Variants in S1PR2 observed in about 807,000 individuals in gnomAD.
S1PR2 encodes sphingosine 1-phosphate receptor 2.
S1PR2 carries 9 observed loss-of-function variants against 16.1 expected under a neutral mutation model. The observed-to-expected ratio is 0.56, with a 90% confidence interval of 0.34 to 0.98. The LOEUF (loss-of-function observed/expected upper bound fraction) is 0.98. S1PR2 is among the 50% of genes least tolerant of loss of function. S1PR2 has a pLI of 0.02. For missense variants in S1PR2, 361 were observed against 488.4 expected, an observed-to-expected ratio of 0.74 and a Z score of 2.46; for synonymous variants, 224 against 233.9, an observed-to-expected ratio of 0.96 and a Z score of 0.38.
rs908589678 is a variant in S1PR2 at position 10,223,648 on chromosome 19, G to A, written c.*196C>T. 3 of 574,816 alleles carry A rather than the reference G, an allele frequency of 5.2e-6. No individual in the cohort carries two copies. Among genetic ancestry groups the A allele is most frequent in the Non-Finnish European group, 9.1e-6 (3 of 329,030 alleles). 35.6% of individuals were successfully genotyped at this position (574,816 alleles called of 1,614,324 possible). A position where few individuals can be genotyped will look rare whatever the true frequency, so the allele number is the denominator to read the frequency against. On this transcript the variant is annotated 3_prime_UTR_variant, in exon 2 of 2. Coordinates refer to ENST00000646641, the MANE Select transcript of S1PR2 (RefSeq NM_004230.4). ...ACACTAGCCACTGGACTGGCCCTCA[G>A]GACCGCACTGCAACACTGCTATGTG...
At chr19:10,229,551 A>C (rs2145445600) in intron 1 of S1PR2, among the ~76,000 whole-genome samples, 1 of 152,214 alleles carries the variant, frequency 6.6e-6, no homozygotes, top group African/African-American at 2.4e-5. Flanking sequence ...AAGCCTAGGA[A>C]AGTGCTGGGA....
rs1448055290 is a variant in S1PR2 at position 10,221,910 on chromosome 19, C to T, written c.*1934G>A. On this transcript the variant is annotated 3_prime_UTR_variant, in exon 2 of 2. Transcript: ENST00000646641. ...TTCTGGGGGGTTAGGGGAGAGTGTCCCCAGGAAATGTCCCTAGCCACTGCC... is the reference window on the plus strand; with the variant it reads ...TTCTGGGGGGTTAGGGGAGAGTGTCTCCAGGAAATGTCCCTAGCCACTGCC... 6 of 152,426 alleles carry T rather than the reference C, an allele frequency of 3.9e-5. No individual in the cohort carries two copies. The allele number at this position is 152,426 out of a possible 1,614,324, so 9.4% of individuals were successfully genotyped here.
At position 10,224,604 on chromosome 19, in the gene S1PR2, G is replaced by T. The variant is rs776229108; in HGVS notation, c.302C>A (p.Thr101Lys). 2 of 1,613,862 alleles carry T rather than the reference G, an allele frequency of 1.2e-6. No individual in the cohort carries two copies. Among genetic ancestry groups the T allele is most frequent in the Non-Finnish European group, 1.7e-6 (2 of 1,180,020 alleles). The change falls in exon 2 of 2, where the codon ACG becomes AAG. Residue 101 changes from threonine (T) to lysine (K), a missense_variant. Coordinates refer to ENST00000646641, the MANE Select transcript of S1PR2 (RefSeq NM_004230.4). ...LLSGSVTLRL[T>K]PVQWFAREGS... ...CTCCCGGGCAAACCACTGCACAGGC[G>T]TCAGCCTCAGCGTGACAGAGCCAGA...
Position 10,223,510 on chromosome 19 carries a change from C to A in S1PR2, c.*334G>T. 2 of 299,178 alleles carry A rather than the reference C, an allele frequency of 6.7e-6. No individual in the cohort carries two copies. Among genetic ancestry groups the A allele is most frequent in the Non-Finnish European group, 1.2e-5 (2 of 161,560 alleles). The allele number at this position is 299,178 out of a possible 1,614,324, so 18.5% of individuals were successfully genotyped here. ...CAAAAAAAAAAAAAAATCCTTTGTA[C>A]CAGGTGGTAAAGTGCTCCTGCCCTG... On this transcript the variant is annotated 3_prime_UTR_variant, in exon 2 of 2. Coordinates refer to ENST00000646641, the MANE Select transcript of S1PR2 (RefSeq NM_004230.4).
At chr19:10,230,161 G>A (rs2039661778) in intron 1 of S1PR2, among the ~76,000 whole-genome samples, 1 of 152,232 alleles carries the variant, frequency 6.6e-6, no homozygotes, top group Admixed American at 6.5e-5. Flanking sequence ...TCTCCATGGA[G>A]ATGGCAGCAG....
intron 1 of S1PR2, among the ~76,000 whole-genome samples, chr19:10,230,242 G>T (rs574282222): frequency 3.7e-4 from 57 of 152,320 alleles, no homozygotes; most frequent in Admixed American, 3.7e-3. Context: ...ATCCACGCTC[G>T]CTCGCGCGGG....
chr19:10,225,547 C>T (rs2039628759), intron 1 of S1PR2, among the ~76,000 whole-genome samples: 1 of 151,778 alleles, frequency 6.6e-6, no homozygotes, highest in South Asian at 2.1e-4. Context: ...CGGGCACCTG[C>T]CACCAGGCCC....
Position 10,223,618 on chromosome 19 carries a change from G to C in S1PR2, c.*226C>G, listed in dbSNP as rs1447426058. The C allele has an allele frequency of 4.0e-6, 2 of 505,418 alleles. No individual in the cohort carries two copies. Among genetic ancestry groups the C allele is most frequent in the East Asian group, 2.9e-5 (1 of 33,954 alleles). The allele number at this position is 505,418 out of a possible 1,614,324, so 31.3% of individuals were successfully genotyped here. Reference sequence around the variant, plus strand: ...GCCTCCCCAGGATCCAGTTCTAAAGGGGTCACACTAGCCACTGGACTGGCC... The same window carrying C: ...GCCTCCCCAGGATCCAGTTCTAAAGCGGTCACACTAGCCACTGGACTGGCC... On this transcript the variant is annotated 3_prime_UTR_variant, in exon 2 of 2. Transcript: ENST00000646641.
Position 10,231,018 on chromosome 19 carries a change from G to A in S1PR2, c.-43+186C>T, listed in dbSNP as rs185985023. ...CGGGGAGCACAGTCTGCGGGTTCGC[G>A]GCCGAGGCAGTGGGGGCCGCCCGGA... On this transcript the variant is annotated intron_variant, in intron 1 of 1. Coordinates refer to ENST00000646641, the MANE Select transcript of S1PR2 (RefSeq NM_004230.4). Among the ~76,000 whole-genome samples, 693 of 152,362 alleles carry A rather than the reference G, an allele frequency of 4.5e-3. 5 individuals carry two copies. Among genetic ancestry groups the A allele is most frequent in the South Asian group, 0.022 (106 of 4,832 alleles).
intron 1 of S1PR2, among the ~76,000 whole-genome samples, chr19:10,229,826 T>C (rs556064826): frequency 1.3e-5 from 2 of 152,286 alleles, no homozygotes; most frequent in East Asian, 1.9e-4. Context: ...GCACAGCGCT[T>C]GCCACTATGG....
intron 1 of S1PR2, among the ~76,000 whole-genome samples, chr19:10,229,840 A>T (rs2039658795): frequency 6.6e-6 from 1 of 152,204 alleles, no homozygotes; most frequent in South Asian, 2.1e-4. Flanking sequence ...ACTATGGGAA[A>T]CTATCATGAT....
chr19:10,221,901 G>A lies in S1PR2; in HGVS notation c.*1943C>T, dbSNP rs1334829643. ...GTGAAGTCCTTCTGGGGGGTTAGGG[G>A]AGAGTGTCCCCAGGAAATGTCCCTA... On this transcript the variant is annotated 3_prime_UTR_variant, in exon 2 of 2. Coordinates refer to ENST00000646641, the MANE Select transcript of S1PR2 (RefSeq NM_004230.4). The A allele has an allele frequency of 2.0e-5, 3 of 152,540 alleles. No homozygotes were observed. The highest frequency in any genetic ancestry group is 7.2e-5 in the African/African-American group (3 of 41,450). The allele number at this position is 152,540 out of a possible 1,614,324, so 9.4% of individuals were successfully genotyped here.
Position 10,223,987 on chromosome 19 carries a change from T to G in S1PR2, c.919A>C (p.Arg307=), listed in dbSNP as rs2116942. 937,628 of 1,608,656 alleles carry G rather than the reference T, an allele frequency of 0.58. 278,286 individuals are homozygous for G. Among genetic ancestry groups the G allele is most frequent in the African/African-American group, 0.74 (55,098 of 74,848 alleles). ...CGTCCTTGCACCCCCACCCCCGGCC[T>G]CCAGCACTGCAGCGGCCGAAGCACC... ...REVLRPLQCW[R]PGVGVQGRRR... is the part of the protein sequence containing the mutation. Residue 307 remains arginine, a synonymous_variant, in exon 2 of 2, where the codon AGG becomes CGG. Coordinates refer to ENST00000646641, the MANE Select transcript of S1PR2 (RefSeq NM_004230.4).
intron 1 of S1PR2, among the ~76,000 whole-genome samples, chr19:10,230,143 C>G (rs2145446303): frequency 6.6e-6 from 1 of 152,372 alleles, no homozygotes; most frequent in South Asian, 2.1e-4. Flanking sequence ...CAGGCAAAGC[C>G]CAGCGTGTCT....
At chr19:10,225,317 G>A (rs997433879) in intron 1 of S1PR2, among the ~76,000 whole-genome samples, 9 of 151,730 alleles carry the variant, frequency 5.9e-5, no homozygotes, top group African/African-American at 2.2e-4. Context: ...TGAACTCCTG[G>A]GCTCAAGTGA....
At chr19:10,231,016 G>A (rs953231178) in intron 1 of S1PR2, among the ~76,000 whole-genome samples, 188 bp downstream of exon 1, 9 of 152,246 alleles carry the variant, frequency 5.9e-5, no homozygotes, top group African/African-American at 2.2e-4. Context: ...CTGCGGGTTC[G>A]CGGCCGAGGC....
At chr19:10,226,964 T>C (rs1420264065) in intron 1 of S1PR2, among the ~76,000 whole-genome samples, 1 of 117,936 alleles carries the variant, frequency 8.5e-6, no homozygotes, top group Non-Finnish European at 1.8e-5. Flanking sequence ...CCCTCTTCCA[T>C]CCCTCCCTCT....
At chr19:10,225,301 C>T (rs2039626169) in intron 1 of S1PR2, among the ~76,000 whole-genome samples, 1 of 151,588 alleles carries the variant, frequency 6.6e-6, no homozygotes, top group Non-Finnish European at 1.5e-5. Context: ...TAGCTCCCTG[C>T]AGCCTTGAAC....
chr19:10,225,249 G>T (rs2039625647), intron 1 of S1PR2, among the ~76,000 whole-genome samples: 1 of 152,050 alleles, frequency 6.6e-6, no homozygotes, highest in African/African-American at 2.4e-5. Context: ...TAAAGACAAG[G>T]TCTTGCTCTG....
Sources: allele counts gnomAD v4.1 joint callset (sites outside exome capture counted in the v4.1 genomes callset), GRCh38; gene constraint gnomAD v4.1.1; transcripts MANE v1.5; gene names NCBI Gene and HGNC (gene_info 2026-07-23, HGNC 2026-07-21).